Variants in MCC observed in about 807,000 individuals in gnomAD.
MCC encodes the protein colorectal mutant cancer protein.
Under a neutral mutation model 116.2 loss-of-function variants are expected in MCC, and 90 were observed. The ratio of observed to expected loss-of-function variants is 0.77; its 90% confidence interval spans 0.65 to 0.92. The LOEUF (loss-of-function observed/expected upper bound fraction) is 0.92, where lower values mean the gene tolerates loss of function less well. MCC is among the 40% of genes least tolerant of loss of function. The pLI, the probability that MCC is intolerant of heterozygous loss-of-function variation, is 0.00. For synonymous variants in MCC, 578 were observed against 510.5 expected, an observed-to-expected ratio of 1.13 and a Z score of -1.78; for missense variants, 1,516 against 1,312.2, an observed-to-expected ratio of 1.16 and a Z score of -2.40.
chr5:113,067,968 C>A (rs1753738843), intron 13 of MCC, 112 bp downstream of exon 13: 2 of 909,650 alleles, frequency 2.2e-6, no homozygotes, highest in South Asian at 2.8e-5. Flanking sequence ...ACACACTTGA[C>A]AACCAAATTT....
At chr5:113,231,533 A>C (rs1581284894) in intron 3 of MCC, among the ~76,000 whole-genome samples, 1 of 152,340 alleles carries the variant, frequency 6.6e-6, no homozygotes, top group Non-Finnish European at 1.5e-5. Context: ...TTCACCCATT[A>C]GTCATGGCTG....
intron 1 of MCC, among the ~76,000 whole-genome samples, chr5:113,487,948 G>A (rs1230754345): frequency 1.3e-5 from 2 of 152,156 alleles, no homozygotes; most frequent in African/African-American, 4.8e-5. Context: ...TTTTCCCACA[G>A]GGAAGAACAC....
intron 1 of MCC, among the ~76,000 whole-genome samples, chr5:113,485,684 G>A (rs532023015): frequency 6.6e-6 from 1 of 152,190 alleles, no homozygotes; most frequent in East Asian, 1.9e-4. Flanking sequence ...AAGGTAGCTG[G>A]GGACTGACAC....
intron 1 of MCC, among the ~76,000 whole-genome samples, chr5:113,485,830 T>C (rs894779824): frequency 1.3e-5 from 2 of 152,216 alleles, no homozygotes; most frequent in African/African-American, 4.8e-5. Context: ...GATACAGCTG[T>C]CTACCAGGAA....
intron 3 of MCC, among the ~76,000 whole-genome samples, chr5:113,286,522 G>A (rs1443936105): frequency 6.6e-6 from 1 of 152,122 alleles, no homozygotes; most frequent in Non-Finnish European, 1.5e-5. Context: ...TTCCACCTCT[G>A]GCCCCATAAG....
intron 3 of MCC, among the ~76,000 whole-genome samples, chr5:113,327,648 T>A (rs774386356): frequency 6.8e-6 from 1 of 148,142 alleles, no homozygotes; most frequent in Non-Finnish European, 1.5e-5. Flanking sequence ...TCTTTTGTGA[T>A]CATAGATTCA....
intron 3 of MCC, among the ~76,000 whole-genome samples, chr5:113,197,664 G>A (rs1338056329): frequency 6.6e-6 from 1 of 152,208 alleles, no homozygotes; most frequent in African/African-American, 2.4e-5. Flanking sequence ...AACTTACTAT[G>A]TAGGGGGCCC....
chr5:113,147,880 G>T (rs1370387341), intron 4 of MCC, among the ~76,000 whole-genome samples: 2 of 152,092 alleles, frequency 1.3e-5, no homozygotes, highest in African/African-American at 4.8e-5. Context: ...AAGAGAAAAA[G>T]AAAAAACTCT....
At chr5:113,046,492 A>C (rs1291245535) in intron 16 of MCC, among the ~76,000 whole-genome samples, 1 of 151,894 alleles carries the variant, frequency 6.6e-6, no homozygotes, top group Non-Finnish European at 1.5e-5. Context: ...ACGTCCAGCC[A>C]AATTTCCTTA....
At chr5:113,207,745 G>T (rs991767047) in intron 3 of MCC, among the ~76,000 whole-genome samples, 1 of 152,140 alleles carries the variant, frequency 6.6e-6, no homozygotes, top group African/African-American at 2.4e-5. Context: ...GTGAAATGAG[G>T]TATATCAATG....
At chr5:113,247,508 G>T (rs767349140) in intron 3 of MCC, among the ~76,000 whole-genome samples, 2 of 152,170 alleles carry the variant, frequency 1.3e-5, no homozygotes, top group Non-Finnish European at 2.9e-5. Flanking sequence ...GATTTCTACT[G>T]GTAGAAATTT....
chr5:113,090,879 G>C (rs1208891639), intron 8 of MCC, among the ~76,000 whole-genome samples: 4 of 152,210 alleles, frequency 2.6e-5, no homozygotes, highest in Non-Finnish European at 5.9e-5. Flanking sequence ...CATTGCCAAG[G>C]TCAAAAGACA....
intron 3 of MCC, among the ~76,000 whole-genome samples, chr5:113,267,377 G>T (rs969943823): frequency 3.9e-5 from 6 of 152,116 alleles, no homozygotes; most frequent in Non-Finnish European, 7.4e-5. Context: ...CTTCTCTTCA[G>T]TGAGGTATGT....
intron 3 of MCC, among the ~76,000 whole-genome samples, chr5:113,336,828 T>G (rs1426009435): frequency 1.3e-5 from 2 of 152,224 alleles, no homozygotes; most frequent in Non-Finnish European, 2.9e-5. Flanking sequence ...ATGTTAAGCC[T>G]CATGGTATCC....
intron 8 of MCC, among the ~76,000 whole-genome samples, chr5:113,093,255 C>G (rs759518367): frequency 1.3e-5 from 2 of 152,126 alleles, no homozygotes; most frequent in Non-Finnish European, 2.9e-5. Flanking sequence ...TAATTATCTT[C>G]TCTCTCTGTC....
intron 2 of MCC, among the ~76,000 whole-genome samples, chr5:113,373,607 C>T (rs1768894905): frequency 6.6e-6 from 1 of 152,148 alleles, no homozygotes; most frequent in Non-Finnish European, 1.5e-5. Context: ...TTCAGAAGAA[C>T]TCTTGTTCGC....
At chr5:113,066,823 G>C (rs1382059113) in intron 13 of MCC, among the ~76,000 whole-genome samples, 4 of 152,232 alleles carry the variant, frequency 2.6e-5, no homozygotes, top group African/African-American at 9.6e-5. Flanking sequence ...GTCCATGACA[G>C]AGGCCTGGCT....
chr5:113,433,862 T>C, intron 1 of MCC: 1 of 1,614,036 alleles, frequency 6.2e-7, no homozygotes, highest in Non-Finnish European at 8.5e-7. Flanking sequence ...CCTCGGGTTT[T>C]GTCTCAGGCT....
intron 3 of MCC, among the ~76,000 whole-genome samples, chr5:113,282,161 A>G (rs1004474246): frequency 2.6e-5 from 4 of 152,220 alleles, no homozygotes; most frequent in African/African-American, 9.7e-5. Context: ...AAATAGTTTT[A>G]CAGACAAAGA....
Sources: gnomAD v4.1 joint callset for allele counts (sites outside exome capture counted in the v4.1 genomes callset) on GRCh38, gnomAD v4.1.1 for gene constraint, MANE v1.5 for transcripts, NCBI Gene and HGNC (gene_info 2026-07-23, HGNC 2026-07-21) for gene names.